The following ZNF81 variants were observed in gnomAD, a reference collection of about 807,000 sequenced individuals.
The protein encoded by ZNF81 is zinc finger protein 81.
A neutral mutation model predicts 32.3 loss-of-function variants in ZNF81; 5 were observed. That is an observed-to-expected ratio of 0.15 (90% CI 0.08 to 0.33). ZNF81 has a LOEUF of 0.33. Among genes scored for constraint, ZNF81 ranks in the 10% least tolerant of loss-of-function variants. The probability of loss-of-function intolerance (pLI) is 1.00; values close to 1 mark genes in which losing one functional copy is unlikely to be tolerated. For missense variants in ZNF81, 379 were observed against 479.8 expected (o/e 0.79, Z 1.96); for synonymous variants, 163 against 166.8 (o/e 0.98, Z 0.17).
At position 47,925,014 on chromosome X, in the gene ZNF81, A is replaced by G. The variant is rs1254240733; in HGVS notation, c.*8382A>G. 2.7e-5 allele frequency among the ~76,000 whole-genome samples: 3 copies of G among 111,626 alleles called. No homozygotes were observed. Among genetic ancestry groups the G allele is most frequent in the African/African-American group, 9.8e-5 (3 of 30,743 alleles). On this transcript the variant is annotated 3_prime_UTR_variant, in exon 5 of 5. Coordinates refer to ENST00000338637, the MANE Select transcript of ZNF81 (RefSeq NM_007137.5). The stretch of plus-strand genomic sequence containing the variant: ...TATAGATATAACATTATAACCATAA[A>G]TAATTGAGCATTCATCTCCTAAAAA...
In ZNF81 at chrX:47,920,275, T is replaced by A. The variant is rs2058771698; in HGVS notation, c.*3643T>A. 8.9e-6 allele frequency: 1 copy of A among 112,003 alleles called. No homozygotes were observed. Among genetic ancestry groups the A allele is most frequent in the Admixed American group, 9.5e-5 (1 of 10,571 alleles). The allele number at this position is 112,003 out of a possible 1,213,427, so 9.2% of individuals were successfully genotyped here. A position where few individuals can be genotyped will look rare whatever the true frequency, so the allele number is the denominator to read the frequency against. ...TAGGCCTTTCCTGTGTGCCTGCATC[T>A]CAGGGAGGGTCTCTCTCCATGTTGT... On this transcript the variant is annotated 3_prime_UTR_variant, in exon 5 of 5. Coordinates refer to ENST00000338637, the MANE Select transcript of ZNF81 (RefSeq NM_007137.5).
intron 1 of ZNF81, chrX:47,841,588 C>G (rs1217914847): frequency 1.9e-6 from 2 of 1,036,699 alleles, no homozygotes; most frequent in African/African-American, 3.7e-5. Context: ...TCTGCTCCTT[C>G]TTTGCCAAAA....
chrX:47,838,527 G>A (rs2058434268), intron 1 of ZNF81, among the ~76,000 whole-genome samples: 1 of 110,782 alleles, frequency 9.0e-6, no homozygotes, highest in South Asian at 3.8e-4. Context: ...AATGGGTGTT[G>A]AATTTCATCA....
At chrX:47,907,622 G>C (rs937172297) in intron 4 of ZNF81, among the ~76,000 whole-genome samples, 29 of 111,714 alleles carry the variant, frequency 2.6e-4, no homozygotes, top group Non-Finnish European at 5.1e-4. Flanking sequence ...TTGCTTCTTT[G>C]AAAGATTAAC....
chrX:47,897,283 A>C (rs1017449601), intron 4 of ZNF81, among the ~76,000 whole-genome samples: 3 of 112,397 alleles, frequency 2.7e-5, no homozygotes, highest in Non-Finnish European at 5.6e-5. Context: ...GGATATTATA[A>C]TTTAAAGTTG....
intron 2 of ZNF81, among the ~76,000 whole-genome samples, chrX:47,885,347 A>T (rs1197768286): frequency 8.9e-6 from 1 of 111,847 alleles, no homozygotes; most frequent in African/African-American, 3.3e-5. Context: ...GTCTTTCACC[A>T]AATTTGAGGA....
chrX:47,914,203 C>T (rs1018541491), intron 4 of ZNF81, among the ~76,000 whole-genome samples: 10 of 111,637 alleles, frequency 9.0e-5, no homozygotes, highest in African/African-American at 3.3e-4. Context: ...ATGTTGAATG[C>T]CAGCCTCCAA....
At chrX:47,855,160 AAATAAATT>A (rs1320123038) in intron 2 of ZNF81, among the ~76,000 whole-genome samples, 5 of 49,760 alleles carry the variant, frequency 1.0e-4, no homozygotes, top group East Asian at 1.2e-3. Context: ...TCAAAAAAAT[AAATAAATT>A]AATTAATTAA....
chrX:47,865,895 G>A (rs1375205966), intron 2 of ZNF81, among the ~76,000 whole-genome samples: 3 of 111,858 alleles, frequency 2.7e-5, no homozygotes, highest in African/African-American at 9.8e-5. Context: ...TGGCAAAGGT[G>A]TGCTAATACC....
intron 2 of ZNF81, among the ~76,000 whole-genome samples, chrX:47,867,082 A>T (rs781945903): frequency 3.9e-4 from 43 of 111,202 alleles, no homozygotes; most frequent in South Asian, 3.8e-4. Flanking sequence ...GAGGGGAACA[A>T]CACATACTGG....
chrX:47,855,788 C>T (rs2058514062), intron 2 of ZNF81, among the ~76,000 whole-genome samples: 1 of 110,624 alleles, frequency 9.0e-6, no homozygotes, highest in Admixed American at 9.7e-5. Flanking sequence ...GTGGCTTATG[C>T]CTGTAATACC....
Position 47,917,185 on chromosome X carries a change from C to G in ZNF81, c.*553C>G. 3.4e-6 allele frequency: 1 copy of G among 294,137 alleles called. No homozygotes were observed. The allele number at this position is 294,137 out of a possible 1,213,427, so 24.2% of individuals were successfully genotyped here. Reference sequence around the variant, plus strand: ...ATCAAATGTTTCTTACTGAATATGTCTATCAAATATGTTTCTTATTGAATA... The same window carrying G: ...ATCAAATGTTTCTTACTGAATATGTGTATCAAATATGTTTCTTATTGAATA... On this transcript the variant is annotated 3_prime_UTR_variant, in exon 5 of 5. Transcript: ENST00000338637.
chrX:47,881,045 A>G (rs1301052350), intron 2 of ZNF81, among the ~76,000 whole-genome samples: 1 of 111,763 alleles, frequency 8.9e-6, no homozygotes, highest in Non-Finnish European at 1.9e-5. Context: ...CCCTTAATCT[A>G]TGAATGGACT....
At chrX:47,860,321 G>A (rs182762024) in intron 2 of ZNF81, among the ~76,000 whole-genome samples, 2,617 of 108,247 alleles carry the variant, frequency 0.024, 37 homozygotes, top group Non-Finnish European at 0.039. Context: ...GACTACAGGC[G>A]CCCACCACCA....
At chrX:47,903,992 A>G (rs2058710089) in intron 4 of ZNF81, among the ~76,000 whole-genome samples, 2 of 110,390 alleles carry the variant, frequency 1.8e-5, no homozygotes, top group Admixed American at 1.9e-4. Flanking sequence ...TGGTGCTGGG[A>G]AAACTGGCTA....
In ZNF81 at chrX:47,896,020, C is replaced by G. The variant is rs556468458; in HGVS notation, c.277+80C>G. ...AAGGAAGACCGATGCCTTTAAAATG[C>G]TGTTATTGCTTAAAGGTTGGAAACT... On this transcript the variant is annotated intron_variant, in intron 4 of 4. Coordinates refer to ENST00000338637, the MANE Select transcript of ZNF81 (RefSeq NM_007137.5). The G allele has an allele frequency of 9.5e-5, 69 of 729,392 alleles. No individual in the cohort carries two copies. The Middle Eastern group carries it at 1.5e-3, about 16-fold the overall frequency. 60.1% of individuals were successfully genotyped at this position (729,392 alleles called of 1,213,427 possible). A position where few individuals can be genotyped will look rare whatever the true frequency, so the allele number is the denominator to read the frequency against.
chrX:47,841,494 T>A, intron 1 of ZNF81: 1 of 1,007,403 alleles, frequency 9.9e-7, no homozygotes, highest in Non-Finnish European at 1.4e-6. Flanking sequence ...TCTAGTCGTC[T>A]GAGACGCACC....
At chrX:47,840,206 C>T (rs2058441869) in intron 1 of ZNF81, among the ~76,000 whole-genome samples, 1 of 95,956 alleles carries the variant, frequency 1.0e-5, no homozygotes, top group African/African-American at 3.9e-5. Flanking sequence ...GAGTCTTTTT[C>T]AAAACAAGTC....
At chrX:47,881,321 T>C (rs1279535256) in intron 2 of ZNF81, among the ~76,000 whole-genome samples, 1 of 111,787 alleles carries the variant, frequency 8.9e-6, no homozygotes, top group African/African-American at 3.3e-5. Flanking sequence ...AGCCTTTCTT[T>C]CCTTGCAGTT....
Sources: gnomAD v4.1 joint callset for allele counts (sites outside exome capture counted in the v4.1 genomes callset) on GRCh38, gnomAD v4.1.1 for gene constraint, MANE v1.5 for transcripts, NCBI Gene and HGNC (gene_info 2026-07-23, HGNC 2026-07-21) for gene names.